NOTCH2: variants seen among roughly 807,000 people sequenced by gnomAD.
The protein encoded by NOTCH2 is notch receptor 2, also known as neurogenic locus notch homolog protein 2.
In NOTCH2, 29 loss-of-function variants were observed where a neutral mutation model predicts 235.8. The ratio of observed to expected loss-of-function variants is 0.12; its 90% CI spans 0.09 to 0.17. The LOEUF (loss-of-function observed/expected upper bound fraction) is 0.17, where lower values mean the gene tolerates loss of function less well. Among genes scored for constraint, NOTCH2 ranks in the 10% least tolerant of loss-of-function variants. The probability of loss-of-function intolerance (pLI) is 1.00; values close to 1 mark genes in which losing one functional copy is unlikely to be tolerated. For missense variants in NOTCH2, 2,285 were observed against 3,150.2 expected (o/e 0.73, Z 6.57); for synonymous variants, 1,086 against 1,141.5 (o/e 0.95, Z 0.98).
chr1:120,007,485 G>A (rs587688309), intron 2 of NOTCH2, among the ~76,000 whole-genome samples: 4 of 130,934 alleles, frequency 3.1e-5, no homozygotes, highest in Admixed American at 2.8e-4. Context: ...GAGGTCAGGA[G>A]TTTGAGAATA....
intron 5 of NOTCH2, among the ~76,000 whole-genome samples, chr1:119,985,353 T>C (rs1553202107): frequency 6.6e-6 from 1 of 151,912 alleles, no homozygotes; most frequent in Non-Finnish European, 1.5e-5. Flanking sequence ...TTTTGGAAAA[T>C]ATAAAAACGG....
At chr1:120,028,859 A>C (rs1378196) in intron 2 of NOTCH2, among the ~76,000 whole-genome samples, 4 of 151,208 alleles carry the variant, frequency 2.6e-5, no homozygotes, top group Non-Finnish European at 2.9e-5. Flanking sequence ...CTGAAATAAA[A>C]AGAATGGATA....
chr1:119,942,982 C>T (rs587728643), intron 17 of NOTCH2, among the ~76,000 whole-genome samples: 8 of 151,200 alleles, frequency 5.3e-5, no homozygotes, highest in East Asian at 3.9e-4. Context: ...AAGAGATTCT[C>T]GTGCATCAGC....
At chr1:119,950,906 C>A in intron 14 of NOTCH2, 69 bp from the exon 15 acceptor site, 1 of 973,730 alleles carries the variant, frequency 1.0e-6, no homozygotes, top group Admixed American at 1.7e-5. Flanking sequence ...CTAACCAATT[C>A]TCTTTAGGGG....
intron 7 of NOTCH2, 125 bp downstream of exon 7, chr1:119,967,952 T>C (rs1165311072): frequency 3.8e-6 from 4 of 1,063,314 alleles, no homozygotes; most frequent in African/African-American, 1.6e-5. Flanking sequence ...ACACTGGCCA[T>C]GTAGCAAGAG....
At position 119,914,123 on chromosome 1, in the gene NOTCH2, G is replaced by C. The variant is rs942825597; in HGVS notation, c.*1183C>G. 3 of 233,086 alleles carry C rather than the reference G, an allele frequency of 1.3e-5. No individual in the cohort carries two copies. The highest frequency in any genetic ancestry group is 6.6e-5 in the African/African-American group (3 of 45,296). The allele number at this position is 233,086 out of a possible 1,614,324, so 14.4% of individuals were successfully genotyped here. A position where few individuals can be genotyped will look rare whatever the true frequency, so the allele number is the denominator to read the frequency against. On this transcript the variant is annotated 3_prime_UTR_variant, in exon 34 of 34. Coordinates refer to ENST00000256646, the MANE Select transcript of NOTCH2 (RefSeq NM_024408.4). ...GGAAAGTTCAGTCCTAAATGGCAAGGGTACAACATTTGAGACAGTGTCTTC... is the reference window on the plus strand; with the variant it reads ...GGAAAGTTCAGTCCTAAATGGCAAGCGTACAACATTTGAGACAGTGTCTTC...
intron 5 of NOTCH2, among the ~76,000 whole-genome samples, chr1:119,984,125 A>T (rs1651921995): frequency 6.6e-6 from 1 of 152,218 alleles, no homozygotes; most frequent in Non-Finnish European, 1.5e-5. Context: ...GCATACACAT[A>T]ATGTTAACTT....
chr1:120,009,258 T>C (rs1192464430), intron 2 of NOTCH2, among the ~76,000 whole-genome samples: 1 of 151,060 alleles, frequency 6.6e-6, no homozygotes, highest in East Asian at 1.9e-4. Context: ...CTTAGGGTTT[T>C]CCTCTAAATG....
chr1:119,999,899 G>A (rs1473706456), intron 3 of NOTCH2, among the ~76,000 whole-genome samples: 1 of 143,030 alleles, frequency 7.0e-6, no homozygotes, highest in Non-Finnish European at 1.5e-5. Context: ...GGGAAAGAGA[G>A]AGAAAGAGAG....
chr1:119,980,525 A>C (rs1553201530), intron 5 of NOTCH2, among the ~76,000 whole-genome samples: 1 of 152,120 alleles, frequency 6.6e-6, no homozygotes, highest in Non-Finnish European at 1.5e-5. Context: ...CCTTCTCCCC[A>C]AAGCCTACTT....
At chr1:119,959,816 T>C (rs970161005) in intron 11 of NOTCH2, among the ~76,000 whole-genome samples, 6 of 152,232 alleles carry the variant, frequency 3.9e-5, no homozygotes, top group Non-Finnish European at 8.8e-5. Context: ...CAGACTGTAC[T>C]ATAATTATTC....
intron 32 of NOTCH2, 101 bp downstream of exon 32, chr1:119,918,305 T>C (rs1373478182): frequency 7.7e-7 from 1 of 1,294,320 alleles, no homozygotes; most frequent in East Asian, 2.3e-5. Context: ...CTCTCACGTA[T>C]TTGGATCTCA....
intron 4 of NOTCH2, chr1:119,995,771 G>T (rs1281338151): frequency 6.6e-6 from 1 of 152,176 alleles, no homozygotes; most frequent in Non-Finnish European, 1.5e-5. Flanking sequence ...ACAATGCTTT[G>T]TATAGCTGTA....
intron 6 of NOTCH2, among the ~76,000 whole-genome samples, chr1:119,969,028 G>T (rs1057417139): frequency 7.9e-5 from 12 of 152,340 alleles, no homozygotes; most frequent in African/African-American, 2.6e-4. Context: ...AGAGGCTAGA[G>T]CAATGTTAAC....
chr1:120,000,353 G>C (rs1367536085), intron 3 of NOTCH2, among the ~76,000 whole-genome samples: 1 of 151,898 alleles, frequency 6.6e-6, no homozygotes, highest in Non-Finnish European at 1.5e-5. Flanking sequence ...GGCTAACAAG[G>C]TGAAAGCCCA....
intron 14 of NOTCH2, among the ~76,000 whole-genome samples, chr1:119,951,565 C>A (rs587762436): frequency 6.6e-6 from 1 of 152,318 alleles, no homozygotes; most frequent in South Asian, 2.1e-4. Context: ...CCCATTTTTT[C>A]ATAGGCACCA....
chr1:119,927,277 A>G (rs1475502048), intron 23 of NOTCH2, among the ~76,000 whole-genome samples: 1 of 152,224 alleles, frequency 6.6e-6, no homozygotes, highest in Non-Finnish European at 1.5e-5. Flanking sequence ...ACAGCAGGAG[A>G]TAGGCCCCAT....
intron 21 of NOTCH2, among the ~76,000 whole-genome samples, chr1:119,935,820 T>G (rs899884441): frequency 1.3e-5 from 2 of 152,290 alleles, no homozygotes; most frequent in Middle Eastern, 3.4e-3. Flanking sequence ...CTCTTTCAGT[T>G]GAAAAAGGCA....
Position 119,969,699 on chromosome 1 carries a change from T to A in NOTCH2, c.920A>T (p.Asn307Ile). Residue 307 changes from asparagine to isoleucine, a missense_variant, in exon 6 of 34, where the codon AAT becomes ATT. Coordinates refer to ENST00000256646, the MANE Select transcript of NOTCH2 (RefSeq NM_024408.4). The stretch of plus-strand genomic sequence containing the variant: ...ACAGGTGCCCCCATTTTGACAGGCA[T>A]TGGGCTGCAGCAGGCATTCATCCAC... ...EDVDECLLQP[N>I]ACQNGGTCAN... 1 of 1,614,134 alleles carries A rather than the reference T, an allele frequency of 6.2e-7. No homozygotes were observed. The highest frequency in any genetic ancestry group is 8.5e-7 in the Non-Finnish European group (1 of 1,179,994).
Sources: allele counts gnomAD v4.1 joint callset (sites outside exome capture counted in the v4.1 genomes callset), GRCh38; gene constraint gnomAD v4.1.1; transcripts MANE v1.5; gene names NCBI Gene and HGNC (gene_info 2026-07-23, HGNC 2026-07-21).